Variants in TECRL observed in about 807,000 individuals in gnomAD.
The protein encoded by TECRL is trans-2,3-enoyl-CoA reductase-like.
Under a neutral mutation model 52.8 loss-of-function variants are expected in TECRL, and 63 were observed. That is an observed-to-expected ratio of 1.19 (90% confidence interval 0.97 to 1.47). The LOEUF (loss-of-function observed/expected upper bound fraction) is 1.47. TECRL is among the 40% of genes most tolerant of loss of function. The pLI is 0.00. For missense variants in TECRL, 482 were observed against 429.6 expected, an observed-to-expected ratio of 1.12 and a Z score of -1.08; for synonymous variants, 164 against 141.9, an observed-to-expected ratio of 1.16 and a Z score of -1.10.
intron 9 of TECRL, among the ~76,000 whole-genome samples, chr4:64,286,045 T>G (rs1723064974): frequency 6.6e-6 from 1 of 152,100 alleles, no homozygotes; most frequent in Admixed American, 6.6e-5. Flanking sequence ...ACACATTTAA[T>G]AATAAATGTA....
intron 1 of TECRL, among the ~76,000 whole-genome samples, chr4:64,383,005 T>C (rs1237500912): frequency 6.6e-6 from 1 of 152,190 alleles, no homozygotes; most frequent in Admixed American, 6.6e-5. Context: ...TTTTTGCTTA[T>C]CTGGGAAATG....
At chr4:64,404,739 A>T (rs748320115) in intron 1 of TECRL, among the ~76,000 whole-genome samples, 12 of 152,106 alleles carry the variant, frequency 7.9e-5, no homozygotes, top group Middle Eastern at 3.2e-3. Context: ...GCTGGGGAGA[A>T]TTTGAGCAGT....
intron 1 of TECRL, among the ~76,000 whole-genome samples, chr4:64,384,048 G>A (rs575610926): frequency 4.6e-5 from 7 of 152,242 alleles, no homozygotes; most frequent in African/African-American, 1.2e-4. Flanking sequence ...ACTTGTAGGT[G>A]AAGGCTGTGG....
At chr4:64,290,592 A>C (rs959225085) in intron 8 of TECRL, among the ~76,000 whole-genome samples, 1 of 152,132 alleles carries the variant, frequency 6.6e-6, no homozygotes, top group Non-Finnish European at 1.5e-5. Flanking sequence ...TAATCTCATA[A>C]AATATATCGG....
chr4:64,357,684 T>C (rs1017700221), intron 2 of TECRL, among the ~76,000 whole-genome samples: 4 of 151,564 alleles, frequency 2.6e-5, no homozygotes, highest in African/African-American at 9.7e-5. Flanking sequence ...AGATATTTTA[T>C]GTAGAAAATA....
intron 1 of TECRL, among the ~76,000 whole-genome samples, chr4:64,404,857 T>C (rs1031756123): frequency 4.6e-5 from 7 of 152,124 alleles, no homozygotes; most frequent in African/African-American, 1.4e-4. Context: ...TCAAATATTA[T>C]ACTCCTCCAT....
intron 2 of TECRL, among the ~76,000 whole-genome samples, chr4:64,357,603 A>G: frequency 1.5e-5 from 1 of 65,220 alleles, no homozygotes; most frequent in African/African-American, 3.0e-5. Context: ...TAAAACTATG[A>G]AAAGAAAAGT....
chr4:64,354,163 T>C (rs1287505427), intron 2 of TECRL, among the ~76,000 whole-genome samples: 1 of 152,040 alleles, frequency 6.6e-6, no homozygotes, highest in Non-Finnish European at 1.5e-5. Flanking sequence ...AAATGATAGA[T>C]AGGAGAGGAA....
In TECRL at chr4:64,281,079, G is replaced by A; in HGVS notation, c.926C>T (p.Ser309Leu). ...TGTCATGACTGTGAAACTAATCCAT[G>A]ATCCAATCTGTTATATTAAAACTTA... The part of the protein sequence containing the change: ...SCPNYTYEIG[S>L]WISFTVMTQT... Residue 309 changes from serine to leucine, a missense_variant, in exon 11 of 12, where the codon TCA becomes TTA. Ser to Leu is a moderately radical substitution (Grantham distance 145, BLOSUM62 -2). Transcript: ENST00000381210. 1.9e-6 allele frequency: 3 copies of A among 1,600,414 alleles called. No individual in the cohort carries two copies. The highest frequency in any genetic ancestry group is 2.2e-5 in the South Asian group (2 of 89,042).
chr4:64,287,716 C>G (rs2109940347), intron 9 of TECRL, among the ~76,000 whole-genome samples: 1 of 152,182 alleles, frequency 6.6e-6, no homozygotes, highest in East Asian at 1.9e-4. Flanking sequence ...TTATGTTATA[C>G]AACATTTTAA....
At chr4:64,331,302 G>A (rs758351022) in intron 2 of TECRL, among the ~76,000 whole-genome samples, 1 of 151,998 alleles carries the variant, frequency 6.6e-6, no homozygotes, top group Middle Eastern at 3.2e-3. Flanking sequence ...ATTACTGTCA[G>A]GTTTTTGGAA....
chr4:64,376,642 A>T (rs1046929522), intron 1 of TECRL, among the ~76,000 whole-genome samples: 9 of 151,920 alleles, frequency 5.9e-5, no homozygotes, highest in Admixed American at 5.9e-4. Flanking sequence ...AGGCCACGTG[A>T]TATTCCCCAG....
At chr4:64,353,295 T>C (rs1485879123) in intron 2 of TECRL, among the ~76,000 whole-genome samples, 1 of 152,150 alleles carries the variant, frequency 6.6e-6, no homozygotes, top group African/African-American at 2.4e-5. Flanking sequence ...AGGGCTGATA[T>C]ATCATAAGGA....
intron 11 of TECRL, among the ~76,000 whole-genome samples, chr4:64,280,624 T>A (rs1479918545): frequency 6.6e-6 from 1 of 152,166 alleles, no homozygotes; most frequent in Non-Finnish European, 1.5e-5. Flanking sequence ...TTCTACTATA[T>A]GGAAATCATG....
At chr4:64,285,293 C>T (rs146140500) in intron 9 of TECRL, among the ~76,000 whole-genome samples, 1 of 152,192 alleles carries the variant, frequency 6.6e-6, no homozygotes, top group Non-Finnish European at 1.5e-5. Context: ...ATCCTAGCTT[C>T]AGATACCCAA....
chr4:64,291,761 T>C (rs1723403458), intron 8 of TECRL, among the ~76,000 whole-genome samples: 1 of 151,876 alleles, frequency 6.6e-6, no homozygotes, highest in South Asian at 2.1e-4. Flanking sequence ...AAATTTTTCA[T>C]TAGGTGAAAC....
Position 64,300,005 on chromosome 4 carries a change from C to G in TECRL, c.743G>C (p.Arg248Thr), listed in dbSNP as rs765940349. 2 of 1,577,148 alleles carry G rather than the reference C, an allele frequency of 1.3e-6. No individual in the cohort carries two copies. Among genetic ancestry groups the G allele is most frequent in the South Asian group, 2.3e-5 (2 of 86,144 alleles). Reference protein sequence around the residue: ...PLYTPPSFGNRQITVSAINFL... With the variant: ...PLYTPPSFGNTQITVSAINFL... ...ATTGATAGCAGATACTGTGATTTGC[C>G]TGTTTCCAAATGCTGGAGAGTAGAA... Residue 248 changes from arginine (R) to threonine (T), a missense_variant, in exon 8 of 12, where the codon AGG becomes ACG. Physicochemically the swap from Arg to Thr is moderately conservative, Grantham distance 71. Transcript: ENST00000381210.
intron 6 of TECRL, among the ~76,000 whole-genome samples, chr4:64,308,445 A>T (rs1175275403): frequency 1.3e-5 from 2 of 152,180 alleles, no homozygotes; most frequent in African/African-American, 4.8e-5. Flanking sequence ...TCTATGGCCA[A>T]CCGCAGGCAT....
chr4:64,382,209 ATATATATATATATATATATATATATAG>A lies in TECRL; in HGVS notation c.235-7013_235-6987del, dbSNP rs1560545321. On this transcript the variant is annotated intron_variant, in intron 1 of 11. Transcript: ENST00000381210. ...AATTTCTGTATATATATATATATAT[ATATATATATATATATATATATATATAG>A]TATTATGTATATATAATATATATTA... is the stretch of plus-strand genomic sequence containing the variant. Among the ~76,000 whole-genome samples, 78 of 134,250 alleles carry A rather than the reference ATATATATATATATATATATATATATAG, an allele frequency of 5.8e-4. No individual in the cohort carries two copies. In the East Asian group the frequency reaches 8.5e-3, roughly 15 times the overall value. The allele number at this position is 134,250 out of a possible 152,430, so 88.1% of individuals were successfully genotyped here. A position where few individuals can be genotyped will look rare whatever the true frequency, so the allele number is the denominator to read the frequency against.
Sources: gnomAD v4.1 joint callset for allele counts (sites outside exome capture counted in the v4.1 genomes callset) on GRCh38, gnomAD v4.1.1 for gene constraint, MANE v1.5 for transcripts, NCBI Gene and HGNC (gene_info 2026-07-23, HGNC 2026-07-21) for gene names.